The following TERB1 variants were observed in gnomAD, a reference collection of about 807,000 sequenced individuals.
TERB1 encodes telomere repeat binding bouquet formation protein 1.
TERB1 carries 63 observed loss-of-function variants against 92.3 expected under a neutral mutation model. That is an observed-to-expected ratio of 0.68 (90% CI 0.56 to 0.84). TERB1 has a LOEUF of 0.84. TERB1 is among the 40% of genes least tolerant of loss of function. The pLI is 0.00. For missense variants in TERB1, 709 were observed against 843.7 expected (o/e 0.84, Z 1.98); for synonymous variants, 252 against 283.9 (o/e 0.89, Z 1.13).
intron 3 of TERB1, among the ~76,000 whole-genome samples, chr16:66,794,918 A>AGC (rs1032686076): frequency 6.8e-6 from 1 of 147,380 alleles, no homozygotes; most frequent in Non-Finnish European, 1.5e-5. Flanking sequence ...TCAAAAAAAA[A>AGC]AAAAACACAC....
chr16:66,786,856 C>A (rs2018736543), intron 6 of TERB1, among the ~76,000 whole-genome samples: 1 of 152,208 alleles, frequency 6.6e-6, no homozygotes, highest in South Asian at 2.1e-4. Context: ...TGATGCCTCG[C>A]TTCCCTGAGG....
intron 11 of TERB1, among the ~76,000 whole-genome samples, chr16:66,776,600 TGA>T (rs1278225345): frequency 6.7e-6 from 1 of 149,584 alleles, no homozygotes; most frequent in Non-Finnish European, 1.5e-5. Flanking sequence ...AGTGGAAAAG[TGA>T]GAGTGGAAAG....
At chr16:66,797,419 TAG>T in intron 2 of TERB1, among the ~76,000 whole-genome samples, 1 of 152,014 alleles carries the variant, frequency 6.6e-6, no homozygotes, top group South Asian at 2.1e-4. Context: ...GTATTTTTTG[TAG>T]AGACGGGGTT....
In TERB1 at chr16:66,770,674, A is replaced by G. The variant is rs188092331; in HGVS notation, c.1273-365T>C. On this transcript the variant is annotated intron_variant, in intron 13 of 18. Transcript: ENST00000433154. ...TAAGTATTACCCAAAATTAAATAAT[A>G]AAACAAAACTAATATACTCGACCAC... Among the ~76,000 whole-genome samples the G allele has an allele frequency of 1.1e-4, 17 of 152,282 alleles. No individual in the cohort carries two copies. In the East Asian group the frequency reaches 3.3e-3, roughly 29 times the overall value.
At chr16:66,758,732 C>A (rs750432992) in intron 18 of TERB1, 41 bp downstream of exon 18, 2 of 1,250,290 alleles carry the variant, frequency 1.6e-6, no homozygotes, top group African/African-American at 3.0e-5. Flanking sequence ...CAGAGCCAGA[C>A]CCTGTCTCAA....
intron 5 of TERB1, among the ~76,000 whole-genome samples, chr16:66,789,807 C>A (rs2018798080): frequency 1.3e-5 from 2 of 150,782 alleles, no homozygotes; most frequent in Admixed American, 6.6e-5. Flanking sequence ...ACCTCCCAGG[C>A]TCAAGCAATC....
Position 66,769,949 on chromosome 16 carries a change from T to C in TERB1, c.1619+14A>G. 4.0e-6 allele frequency: 6 copies of C among 1,506,744 alleles called. No homozygotes were observed. Among genetic ancestry groups the C allele is most frequent in the Non-Finnish European group, 5.4e-6 (6 of 1,108,734 alleles). 93.3% of individuals were successfully genotyped at this position (1,506,744 alleles called of 1,614,324 possible). ...CTGAATAAATAAAAGTTACACACAA[T>C]TATTAAACTATACCTTGATTGAGAA... On this transcript the variant is annotated intron_variant, in intron 14 of 18. Coordinates refer to ENST00000433154, the MANE Select transcript of TERB1 (RefSeq NM_001136505.2).
intron 14 of TERB1, among the ~76,000 whole-genome samples, chr16:66,768,922 G>A (rs1298320312): frequency 6.6e-6 from 1 of 151,984 alleles, no homozygotes; most frequent in African/African-American, 2.4e-5. Context: ...TGACCAACAT[G>A]GAGAAACTCC....
chr16:66,790,009 C>T (rs2018802799), intron 5 of TERB1, among the ~76,000 whole-genome samples: 1 of 152,132 alleles, frequency 6.6e-6, no homozygotes, highest in Admixed American at 6.5e-5. Context: ...CCACGCCTGG[C>T]TGATGAAGAA....
intron 11 of TERB1, 43 bp from the exon 12 acceptor site, chr16:66,775,286 C>CT: frequency 6.7e-7 from 1 of 1,493,374 alleles, no homozygotes; most frequent in Non-Finnish European, 9.1e-7. Context: ...TTATCATAAA[C>CT]TATCTATATG....
chr16:66,785,743 A>G (rs2018718360), intron 9 of TERB1, 43 bp downstream of exon 9: 1 of 1,469,348 alleles, frequency 6.8e-7, no homozygotes, highest in African/African-American at 1.4e-5. Context: ...ATGCTTTGAA[A>G]TATGTTTCTT....
At chr16:66,759,354 T>C (rs1396778580) in intron 16 of TERB1, 64 bp from the exon 17 acceptor site, 11 of 1,289,892 alleles carry the variant, frequency 8.5e-6, no homozygotes, top group Admixed American at 2.9e-5. Context: ...AAATCTATGA[T>C]AGCAAATATC....
chr16:66,792,157 CAGGAAAACCT>C (rs2018846657), intron 3 of TERB1, among the ~76,000 whole-genome samples: 1 of 152,106 alleles, frequency 6.6e-6, no homozygotes, highest in African/African-American at 2.4e-5. Flanking sequence ...AAAACTTAAA[CAGGAAAACCT>C]TTTGGTCATC....
intron 2 of TERB1, among the ~76,000 whole-genome samples, chr16:66,798,235 A>T (rs1372120231): frequency 5.3e-5 from 8 of 149,984 alleles, no homozygotes. Flanking sequence ...GCTGTAGTGC[A>T]GTGGCATGAT....
chr16:66,760,711 G>A lies in TERB1; in HGVS notation c.1781-1421C>T, dbSNP rs1315004206. ...TGAGGCAGGAGAATCGCTTGAACCC[G>A]CCAGGCGGAGGTTGCAGTGAGCTGA... is the stretch of plus-strand genomic sequence containing the variant. On this transcript the variant is annotated intron_variant, in intron 16 of 18. Coordinates refer to ENST00000433154, the MANE Select transcript of TERB1 (RefSeq NM_001136505.2). Among the ~76,000 whole-genome samples the A allele has an allele frequency of 1.1e-4, 13 of 120,670 alleles. No individual in the cohort carries two copies. In the South Asian group the frequency reaches 2.9e-3, roughly 27 times the overall value. The allele number at this position is 120,670 out of a possible 152,430, so 79.2% of individuals were successfully genotyped here. A position where few individuals can be genotyped will look rare whatever the true frequency, so the allele number is the denominator to read the frequency against.
At chr16:66,760,783 CAAAAAAAA>C (rs57817560) in intron 16 of TERB1, among the ~76,000 whole-genome samples, 2 of 67,246 alleles carry the variant, frequency 3.0e-5, no homozygotes, top group African/African-American at 1.2e-4. Context: ...GACTCCATCT[CAAAAAAAA>C]AAAAAAAAAA....
intron 11 of TERB1, 26 bp downstream of exon 11, chr16:66,777,177 C>A: frequency 6.7e-7 from 1 of 1,500,192 alleles, no homozygotes; most frequent in South Asian, 1.3e-5. Flanking sequence ...ATTTTAATAA[C>A]CACACTCAAT....
At chr16:66,765,474 TGGAGAC>T (rs2018323614) in intron 16 of TERB1, among the ~76,000 whole-genome samples, 1 of 151,822 alleles carries the variant, frequency 6.6e-6, no homozygotes. Context: ...TTTTTTTTTT[TGGAGAC>T]AGAATCTCGC....
At chr16:66,795,419 C>T (rs909985715) in intron 3 of TERB1, among the ~76,000 whole-genome samples, 2 of 152,210 alleles carry the variant, frequency 1.3e-5, no homozygotes, top group Non-Finnish European at 2.9e-5. Flanking sequence ...TATTTGATAA[C>T]ATACTCTCTG....
Sources: gnomAD v4.1 joint callset for allele counts (sites outside exome capture counted in the v4.1 genomes callset) on GRCh38, gnomAD v4.1.1 for gene constraint, MANE v1.5 for transcripts, NCBI Gene and HGNC (gene_info 2026-07-23, HGNC 2026-07-21) for gene names.